The following HUWE1 variants were observed in gnomAD, a reference collection of about 807,000 sequenced individuals.
HUWE1 encodes HECT, UBA and WWE domain containing E3 ubiquitin protein ligase 1, also known as E3 ubiquitin-protein ligase HUWE1.
In HUWE1, 18 loss-of-function variants were observed where a neutral mutation model predicts 299.4. That is an observed-to-expected ratio of 0.06 (90% confidence interval 0.04 to 0.09). HUWE1 has a LOEUF of 0.09. HUWE1 is among the 10% of genes least tolerant of loss of function. The pLI is 1.00. For synonymous variants in HUWE1, 1,317 were observed against 1,286.1 expected (o/e 1.02, Z -0.51); for missense variants, 1,832 against 3,462.3 (o/e 0.53, Z 11.82).
rs781970085 is a variant in HUWE1, at chrX:53,627,309, G to C, written c.1489+101C>G. On this transcript the variant is annotated intron_variant, in intron 17 of 83. Coordinates refer to ENST00000262854, the MANE Select transcript of HUWE1 (RefSeq NM_031407.7). ...TTTGTTGCTGAAAGTATATACTCAAGTTAATTGTGTACTTTGGAATTTATG... is the reference window on the plus strand; with the variant it reads ...TTTGTTGCTGAAAGTATATACTCAACTTAATTGTGTACTTTGGAATTTATG... 133 of 542,153 alleles carry C rather than the reference G, an allele frequency of 2.5e-4. 1 individual carries two copies. In the African/African-American group the frequency reaches 2.6e-3, roughly 11 times the overall value. The allele number at this position is 542,153 out of a possible 1,213,427, so 44.7% of individuals were successfully genotyped here.
chrX:53,637,673 T>C (rs2067301860), intron 7 of HUWE1, among the ~76,000 whole-genome samples: 1 of 112,418 alleles, frequency 8.9e-6, no homozygotes, highest in Admixed American at 9.4e-5. Context: ...CCCTGCCAAC[T>C]CAAACGTGAC....
At chrX:53,570,922 A>G (rs782134280) in intron 47 of HUWE1, among the ~76,000 whole-genome samples, 80 of 113,020 alleles carry the variant, frequency 7.1e-4, no homozygotes, top group Middle Eastern at 9.2e-3. Context: ...TGACCTTGTC[A>G]AAACAAAACA....
intron 49 of HUWE1, among the ~76,000 whole-genome samples, chrX:53,565,724 C>T (rs966085461): frequency 1.8e-5 from 2 of 109,751 alleles, no homozygotes; most frequent in Admixed American, 1.9e-4. Flanking sequence ...CTCCACCTCC[C>T]AGGCTCAAGT....
At chrX:53,570,838 T>C (rs368763992) in intron 47 of HUWE1, among the ~76,000 whole-genome samples, 9 of 112,661 alleles carry the variant, frequency 8.0e-5, no homozygotes, top group South Asian at 7.3e-4. Context: ...TTTAAAATGG[T>C]TGACTTTATA....
chrX:53,683,677 G>A (rs940711907), intron 2 of HUWE1, among the ~76,000 whole-genome samples: 15 of 112,365 alleles, frequency 1.3e-4, no homozygotes, highest in African/African-American at 4.5e-4. Context: ...CTTCGCCTCA[G>A]GTCTAGTTTA....
At chrX:53,556,172 A>G in intron 60 of HUWE1, 1 of 342,641 alleles carries the variant, frequency 2.9e-6, no homozygotes, top group Non-Finnish European at 5.9e-6. Flanking sequence ...AAATTATCCA[A>G]GGAACATCTA....
chrX:53,659,141 G>A (rs1434452731), intron 3 of HUWE1, among the ~76,000 whole-genome samples: 2 of 112,618 alleles, frequency 1.8e-5, no homozygotes, highest in Non-Finnish European at 3.8e-5. Flanking sequence ...AGTCAGTTCA[G>A]CAATTTCTTA....
intron 43 of HUWE1, among the ~76,000 whole-genome samples, chrX:53,578,377 G>A (rs1458406138): frequency 4.1e-5 from 4 of 96,526 alleles, no homozygotes; most frequent in East Asian, 3.5e-4. Context: ...CCCCCCGCCC[G>A]GCCAGCCGCC....
intron 49 of HUWE1, among the ~76,000 whole-genome samples, chrX:53,565,996 C>G (rs2062513947): frequency 9.3e-6 from 1 of 107,006 alleles, no homozygotes; most frequent in African/African-American, 3.4e-5. Context: ...GGTATGATTT[C>G]TAAGTGTAAT....
chrX:53,608,834 C>G lies in HUWE1; in HGVS notation c.2319+18G>C. 9.5e-7 allele frequency: 1 copy of G among 1,054,519 alleles called. No homozygotes were observed. 86.9% of individuals were successfully genotyped at this position (1,054,519 alleles called of 1,213,427 possible). A position where few individuals can be genotyped will look rare whatever the true frequency, so the allele number is the denominator to read the frequency against. On this transcript the variant is annotated intron_variant, in intron 24 of 83. Transcript: ENST00000262854. ...CACATATACATCTTTACTCAGTTTG[C>G]CCTGTGTTGAATCTTACCACATTAA...
chrX:53,589,467 G>C (rs903011758), intron 36 of HUWE1, 80 bp downstream of exon 36: 3 of 971,851 alleles, frequency 3.1e-6, no homozygotes, highest in Non-Finnish European at 4.4e-6. Flanking sequence ...AAAATATGCT[G>C]ATTTTTCAGA....
At chrX:53,571,389 A>C (rs1174335735) in intron 47 of HUWE1, among the ~76,000 whole-genome samples, 5 of 111,899 alleles carry the variant, frequency 4.5e-5, no homozygotes, top group Non-Finnish European at 9.4e-5. Flanking sequence ...AGGCGGGAGG[A>C]TCACTTGAGG....
Position 53,543,985 on chromosome X carries a change from G to A in HUWE1, c.11252-17C>T. ...CGGAGGAACCTGGGAGAAAGAGAAA[G>A]AGGAAGGCAAGATATAAAATATAGG... On this transcript the variant is annotated splice_polypyrimidine_tract_variant and intron_variant, in intron 72 of 83. Transcript: ENST00000262854. 8.5e-7 allele frequency: 1 copy of A among 1,174,201 alleles called. No individual in the cohort carries two copies.
intron 31 of HUWE1, 52 bp from the exon 32 acceptor site, chrX:53,593,653 A>AG (rs1556981632): frequency 6.1e-6 from 6 of 985,968 alleles, no homozygotes; most frequent in African/African-American, 1.9e-5. Flanking sequence ...TACCCTGGCA[A>AG]GGGGGGTTTA....
At chrX:53,662,163 G>T (rs1456494835) in intron 3 of HUWE1, among the ~76,000 whole-genome samples, 1 of 110,643 alleles carries the variant, frequency 9.0e-6, no homozygotes, top group African/African-American at 3.3e-5. Context: ...ACCTAGATAT[G>T]AGGAGTCAGA....
rs2061215843 is a variant in HUWE1 at position 53,539,033 on chromosome X, G to T, written c.11680C>A (p.Arg3894=). The change falls in exon 76 of 84, where the codon CGG becomes AGG. Residue 3894 remains arginine, a synonymous_variant. Coordinates refer to ENST00000262854, the MANE Select transcript of HUWE1 (RefSeq NM_031407.7). ...EAFFLVHATE[R]ESKPPVRDTR... ...TCTCGGACAGGAGGCTTGCTCTCCC[G>T]CTCTGTGGCATGGACCAGAAAGAAG... 3 of 1,208,757 alleles carry T rather than the reference G, an allele frequency of 2.5e-6. No homozygotes were observed. The highest frequency in any genetic ancestry group is 3.4e-6 in the Non-Finnish European group (3 of 893,637).
intron 32 of HUWE1, 133 bp downstream of exon 32, chrX:53,593,231 T>C (rs2064259175): frequency 3.9e-6 from 2 of 510,844 alleles, no homozygotes; most frequent in Non-Finnish European, 6.9e-6. Context: ...TTCCCTTACG[T>C]AAGGCAGCCC....
chrX:53,612,849 A>C (rs1230644903), intron 23 of HUWE1, among the ~76,000 whole-genome samples: 4 of 111,765 alleles, frequency 3.6e-5, no homozygotes, highest in Non-Finnish European at 7.5e-5. Flanking sequence ...AAAGGAAAGG[A>C]GGGTAAGCAA....
intron 3 of HUWE1, among the ~76,000 whole-genome samples, chrX:53,672,772 T>C (rs2069621626): frequency 8.9e-6 from 1 of 111,969 alleles, no homozygotes; most frequent in Non-Finnish European, 1.9e-5. Flanking sequence ...AATTGAAAGC[T>C]GGAAGGGAGG....
Sources: gnomAD v4.1 joint callset for allele counts (sites outside exome capture counted in the v4.1 genomes callset) on GRCh38, gnomAD v4.1.1 for gene constraint, MANE v1.5 for transcripts, NCBI Gene and HGNC (gene_info 2026-07-23, HGNC 2026-07-21) for gene names.